SCN1A: variants seen among roughly 807,000 people sequenced by gnomAD.
SCN1A encodes the protein sodium voltage-gated channel alpha subunit 1.
Under a neutral mutation model 193.7 loss-of-function variants are expected in SCN1A, and 13 were observed. That is an observed-to-expected ratio of 0.07 (90% CI 0.04 to 0.11). SCN1A has a LOEUF of 0.11. SCN1A is among the 10% of genes least tolerant of loss of function. The pLI is 1.00. For missense variants in SCN1A, 1,432 were observed against 2,451.1 expected (o/e 0.58, Z 8.78); for synonymous variants, 781 against 843.6 (o/e 0.93, Z 1.29).
intron 19 of SCN1A, among the ~76,000 whole-genome samples, chr2:166,021,729 CA>C (rs1262998771): frequency 6.6e-6 from 1 of 151,996 alleles, no homozygotes; most frequent in Non-Finnish European, 1.5e-5. Context: ...ATAAGTTGTA[CA>C]GCTAAATTTC....
At chr2:166,109,210 T>C (rs911754091) in intron 2 of SCN1A, among the ~76,000 whole-genome samples, 1 of 152,124 alleles carries the variant, frequency 6.6e-6, no homozygotes, top group Non-Finnish European at 1.5e-5. Context: ...TAAAGAAAAA[T>C]CTTTGTTTCA....
chr2:166,089,379 C>T (rs1298934094), intron 2 of SCN1A, among the ~76,000 whole-genome samples: 1 of 152,050 alleles, frequency 6.6e-6, no homozygotes, highest in East Asian at 1.9e-4. Flanking sequence ...TTCCTGCTTC[C>T]TGAAATTCAA....
At chr2:166,005,728 C>T (rs1691566833) in intron 23 of SCN1A, among the ~76,000 whole-genome samples, 1 of 151,272 alleles carries the variant, frequency 6.6e-6, no homozygotes, top group African/African-American at 2.4e-5. Flanking sequence ...GGTGTATTAA[C>T]TTTTTTCAGT....
chr2:166,092,457 A>G (rs1686910676), intron 2 of SCN1A: 3 of 152,218 alleles, frequency 2.0e-5, no homozygotes. Flanking sequence ...TCATGCAGGT[A>G]TTGGTTTGTT....
intron 2 of SCN1A, among the ~76,000 whole-genome samples, chr2:166,121,472 T>C (rs912416696): frequency 3.9e-5 from 6 of 152,208 alleles, no homozygotes; most frequent in African/African-American, 1.4e-4. Flanking sequence ...TTAATTCTTA[T>C]CACAGATCAT....
chr2:165,990,506 T>C lies in SCN1A; in HGVS notation c.*739A>G, dbSNP rs1047771392. On this transcript the variant is annotated 3_prime_UTR_variant, in exon 29 of 29. Transcript: ENST00000674923. ...AATGAAGTTTGCACCTGCTAAGATTTACTGGCCTACCCACAAATAATCTAC... is the reference window on the plus strand; with the variant it reads ...AATGAAGTTTGCACCTGCTAAGATTCACTGGCCTACCCACAAATAATCTAC... 6.6e-6 allele frequency: 1 copy of C among 152,540 alleles called. No homozygotes were observed. The highest frequency in any genetic ancestry group is 2.4e-5 in the African/African-American group (1 of 41,418). The allele number at this position is 152,540 out of a possible 1,614,324, so 9.4% of individuals were successfully genotyped here.
chr2:166,021,693 T>C (rs73969772), intron 19 of SCN1A, among the ~76,000 whole-genome samples: 7,469 of 152,238 alleles, frequency 0.049, 586 homozygotes, highest in African/African-American at 0.17. Context: ...CTTTAGAACT[T>C]AGAGAAAGTC....
Position 166,007,068 on chromosome 2 carries a change from TC to T in SCN1A, c.4002+2650del, listed in dbSNP as rs1232512419. Among the ~76,000 whole-genome samples the T allele has an allele frequency of 1.3e-4, 20 of 151,000 alleles. No individual in the cohort carries two copies. The highest frequency in any genetic ancestry group is 7.4e-5 in the Non-Finnish European group (5 of 67,408). ...AAATTCATAAAGGTTTTTTTTTTTT[TC>T]AAATGAAATTTAAGACAATTGAAAA... On this transcript the variant is annotated intron_variant, in intron 23 of 28. Transcript: ENST00000674923.
At chr2:166,104,391 C>T (rs954651565) in intron 2 of SCN1A, 40 of 152,060 alleles carry the variant, frequency 2.6e-4, no homozygotes, top group African/African-American at 9.4e-4. Flanking sequence ...ACATAGTTGT[C>T]CCTAATCACC....
At chr2:166,011,140 G>A (rs958771500) in intron 22 of SCN1A, among the ~76,000 whole-genome samples, 4 of 151,218 alleles carry the variant, frequency 2.6e-5, no homozygotes, top group Middle Eastern at 3.4e-3. Context: ...TCATTTCACA[G>A]TAACATTGTT....
rs998187842 is a variant in SCN1A, at chr2:165,988,538, G to A, written c.*2707C>T. ...TTGTATGAGGGGCAGTCTGATTGGA[G>A]TATGACTTTTCGGGGAGGAATGAGT... On this transcript the variant is annotated 3_prime_UTR_variant, in exon 29 of 29. Transcript: ENST00000674923. The A allele has an allele frequency of 1.3e-5, 2 of 152,234 alleles. No individual in the cohort carries two copies. Among genetic ancestry groups the A allele is most frequent in the African/African-American group, 4.8e-5 (2 of 41,450 alleles). The allele number at this position is 152,234 out of a possible 1,614,324, so 9.4% of individuals were successfully genotyped here.
intron 2 of SCN1A, among the ~76,000 whole-genome samples, chr2:166,087,959 A>AT (rs939065985): frequency 6.6e-6 from 1 of 152,106 alleles, no homozygotes; most frequent in Non-Finnish European, 1.5e-5. Flanking sequence ...TAACAGATTC[A>AT]TTTTTTTAAG....
At chr2:166,057,891 G>T (rs941766370) in intron 5 of SCN1A, among the ~76,000 whole-genome samples, 22 of 151,896 alleles carry the variant, frequency 1.4e-4, no homozygotes, top group Non-Finnish European at 2.7e-4. Flanking sequence ...ACACCAATGG[G>T]AATCATGAAA....
chr2:166,145,022 G>A (rs7558010), intron 1 of SCN1A, among the ~76,000 whole-genome samples: 11,426 of 152,052 alleles, frequency 0.075, 552 homozygotes, highest in Middle Eastern at 0.21. Context: ...TTTTTTAGTA[G>A]AGATGGGGTT....
At chr2:166,108,567 T>C (rs1182390784) in intron 2 of SCN1A, among the ~76,000 whole-genome samples, 1 of 152,020 alleles carries the variant, frequency 6.6e-6, no homozygotes, top group South Asian at 2.1e-4. Flanking sequence ...AAATGTCCAT[T>C]AGCTGGTAAA....
chr2:166,008,987 A>G (rs1692039730), intron 23 of SCN1A, among the ~76,000 whole-genome samples: 1 of 151,084 alleles, frequency 6.6e-6, no homozygotes, highest in African/African-American at 2.4e-5. Flanking sequence ...TGATTATTGC[A>G]TCTTTGAAAA....
chr2:166,038,181 A>G (rs1481962188), intron 17 of SCN1A, 49 bp from the exon 18 acceptor site: 1 of 1,367,138 alleles, frequency 7.3e-7, no homozygotes, highest in East Asian at 2.5e-5. Context: ...TAAAAGCATT[A>G]TATATATTGA....
chr2:166,072,374 TTAACA>T (rs1684519285), intron 4 of SCN1A, among the ~76,000 whole-genome samples: 1 of 152,212 alleles, frequency 6.6e-6, no homozygotes, highest in African/African-American at 2.4e-5. Flanking sequence ...GGTTGGATGC[TTAACA>T]TAAGATTCAT....
rs919213901 is a variant in SCN1A at position 165,988,993 on chromosome 2, C to T, written c.*2252G>A. On this transcript the variant is annotated 3_prime_UTR_variant, in exon 29 of 29. Transcript: ENST00000674923. ...TTACCCCCTACCTCCAGTGACATATCTACCCTAGGTTTTGTTGTCAACGTG... is the reference window on the plus strand; with the variant it reads ...TTACCCCCTACCTCCAGTGACATATTTACCCTAGGTTTTGTTGTCAACGTG... The T allele has an allele frequency of 2.0e-5, 3 of 151,292 alleles. No homozygotes were observed. The highest frequency in any genetic ancestry group is 4.4e-5 in the Non-Finnish European group (3 of 67,982). The allele number at this position is 151,292 out of a possible 1,614,324, so 9.4% of individuals were successfully genotyped here. A position where few individuals can be genotyped will look rare whatever the true frequency, so the allele number is the denominator to read the frequency against.
Sources: gnomAD v4.1 joint callset for allele counts (sites outside exome capture counted in the v4.1 genomes callset) on GRCh38, gnomAD v4.1.1 for gene constraint, MANE v1.5 for transcripts, NCBI Gene and HGNC (gene_info 2026-07-23, HGNC 2026-07-21) for gene names.